Variants in UNC5D observed in about 807,000 individuals in gnomAD.
UNC5D encodes the protein unc-5 netrin receptor D.
Under a neutral mutation model 105.4 loss-of-function variants are expected in UNC5D, and 39 were observed. The ratio of observed to expected loss-of-function variants is 0.37; its 90% CI spans 0.29 to 0.48. The LOEUF is 0.48. Ranked by LOEUF, UNC5D falls within the 20% of genes least tolerant of loss-of-function variation. The pLI is 0.98. For missense variants in UNC5D, 991 were observed against 1,202.4 expected (o/e 0.82, Z 2.60); for synonymous variants, 452 against 450.4 (o/e 1.00, Z -0.04).
chr8:35,387,537 C>T (rs147142669), intron 1 of UNC5D, among the ~76,000 whole-genome samples: 116 of 152,170 alleles, frequency 7.6e-4, no homozygotes, highest in Non-Finnish European at 1.6e-3. Context: ...CTGGAACCTT[C>T]TTTAATATTT....
intron 1 of UNC5D, among the ~76,000 whole-genome samples, chr8:35,260,502 G>A (rs1011604904): frequency 5.3e-5 from 8 of 152,084 alleles, no homozygotes; most frequent in South Asian, 2.1e-4. Context: ...ATGGAGTCTC[G>A]CTCTATCACC....
chr8:35,450,286 G>A (rs889141678), intron 1 of UNC5D, among the ~76,000 whole-genome samples: 2 of 152,100 alleles, frequency 1.3e-5, no homozygotes, highest in Middle Eastern at 3.2e-3. Context: ...CATGGCTCAC[G>A]TGTCCTGTCC....
intron 11 of UNC5D, among the ~76,000 whole-genome samples, chr8:35,737,252 CTGTGTGTGTGTGTGTGTGTG>C (rs369792188): frequency 3.3e-4 from 39 of 119,882 alleles, no homozygotes; most frequent in East Asian, 3.0e-3. Context: ...AAGATCTGCT[CTGTGTGTGTGTGTGTGTGTG>C]TGTGTGTGTG....
At chr8:35,567,108 C>G (rs1339778509) in intron 2 of UNC5D, among the ~76,000 whole-genome samples, 1 of 151,806 alleles carries the variant, frequency 6.6e-6, no homozygotes, top group East Asian at 1.9e-4. Flanking sequence ...AGGTTGTGGT[C>G]TTAATAGCTG....
At chr8:35,779,009 C>T (rs1457668425) in intron 16 of UNC5D, among the ~76,000 whole-genome samples, 1 of 152,236 alleles carries the variant, frequency 6.6e-6, no homozygotes, top group Non-Finnish European at 1.5e-5. Context: ...ATAAGCTACA[C>T]AGCCTAGCAA....
intron 1 of UNC5D, among the ~76,000 whole-genome samples, chr8:35,538,594 T>C (rs1180902611): frequency 2.0e-5 from 3 of 151,304 alleles, no homozygotes; most frequent in Non-Finnish European, 4.4e-5. Context: ...AAAGGATCCA[T>C]TGTAGTCATG....
chr8:35,742,277 C>G (rs996324529), intron 11 of UNC5D, among the ~76,000 whole-genome samples: 15 of 151,128 alleles, frequency 9.9e-5, no homozygotes, highest in African/African-American at 3.4e-4. Context: ...GAGAGAGAGA[C>G]AAATAATAAA....
At chr8:35,728,095 A>AAT (rs1554596595) in intron 10 of UNC5D, among the ~76,000 whole-genome samples, 3,542 of 109,342 alleles carry the variant, frequency 0.032, 285 homozygotes, top group African/African-American at 0.1. Flanking sequence ...AAAAAAAAAA[A>AAT]ATATATATAT....
At chr8:35,599,958 C>G (rs563164626) in intron 4 of UNC5D, among the ~76,000 whole-genome samples, 2 of 152,146 alleles carry the variant, frequency 1.3e-5, no homozygotes, top group Non-Finnish European at 2.9e-5. Flanking sequence ...CCTCCTCCCC[C>G]AACCCCACAA....
chr8:35,461,594 T>C (rs1808900132), intron 1 of UNC5D, among the ~76,000 whole-genome samples: 1 of 152,192 alleles, frequency 6.6e-6, no homozygotes, highest in Non-Finnish European at 1.5e-5. Flanking sequence ...ATATTGTTCA[T>C]ACATACCTTT....
chr8:35,775,549 T>C (rs926589614), intron 16 of UNC5D, among the ~76,000 whole-genome samples: 1 of 152,094 alleles, frequency 6.6e-6, no homozygotes, highest in Non-Finnish European at 1.5e-5. Context: ...CCAGAATGAA[T>C]AGAAAAGAGA....
At chr8:35,394,138 G>A (rs1032982360) in intron 1 of UNC5D, among the ~76,000 whole-genome samples, 1 of 151,958 alleles carries the variant, frequency 6.6e-6, no homozygotes, top group African/African-American at 2.4e-5. Context: ...TGTGTCTTAG[G>A]GGTAGTTCTT....
chr8:35,639,034 GTA>G (rs1265136185), intron 4 of UNC5D, among the ~76,000 whole-genome samples: 1 of 152,150 alleles, frequency 6.6e-6, no homozygotes, highest in East Asian at 1.9e-4. Flanking sequence ...CCATAGTTAA[GTA>G]TATCTTTCCC....
Position 35,756,280 on chromosome 8 carries a change from A to C in UNC5D, c.2164-3040A>C, listed in dbSNP as rs1830514662. ...GCAGATTTAAGGAGTAAGCGAAAAG[A>C]GCAAAAAATAAATCATGTTGTATTT... On this transcript the variant is annotated intron_variant, in intron 13 of 16. Coordinates refer to ENST00000404895, the MANE Select transcript of UNC5D (RefSeq NM_080872.4). Among the ~76,000 whole-genome samples the C allele has an allele frequency of 2.0e-5, 3 of 152,340 alleles. No individual in the cohort carries two copies. In the South Asian group the frequency reaches 6.2e-4, roughly 32 times the overall value.
chr8:35,253,473 C>CTTTTTTTTTTT (rs58063448), intron 1 of UNC5D, among the ~76,000 whole-genome samples: 16 of 99,848 alleles, frequency 1.6e-4, no homozygotes, highest in East Asian at 6.4e-4. Context: ...ATTTTATTTC[C>CTTTTTTTTTTT]TTTTTTTTTT....
At chr8:35,446,855 T>A (rs769935490) in intron 1 of UNC5D, among the ~76,000 whole-genome samples, 5 of 152,148 alleles carry the variant, frequency 3.3e-5, no homozygotes, top group Non-Finnish European at 7.4e-5. Flanking sequence ...CTCAGTTGCA[T>A]GTGAGCTTCA....
intron 1 of UNC5D, among the ~76,000 whole-genome samples, chr8:35,374,714 G>C (rs1802599922): frequency 6.6e-6 from 1 of 152,206 alleles, no homozygotes; most frequent in African/African-American, 2.4e-5. Flanking sequence ...TGTATAGCCA[G>C]GATCTTCATT....
intron 4 of UNC5D, among the ~76,000 whole-genome samples, chr8:35,677,813 TATGTAA>T (rs1203879670): frequency 6.6e-6 from 1 of 151,976 alleles, no homozygotes; most frequent in Non-Finnish European, 1.5e-5. Context: ...GGTCTGTATA[TATGTAA>T]AAAGTTATTT....
intron 1 of UNC5D, among the ~76,000 whole-genome samples, chr8:35,453,797 C>A (rs1267422624): frequency 1.3e-5 from 2 of 152,058 alleles, no homozygotes; most frequent in Admixed American, 1.3e-4. Context: ...CATCTGCCAC[C>A]CACCCACTCT....
Sources: allele counts gnomAD v4.1 joint callset (sites outside exome capture counted in the v4.1 genomes callset), GRCh38; gene constraint gnomAD v4.1.1; transcripts MANE v1.5; gene names NCBI Gene and HGNC (gene_info 2026-07-23, HGNC 2026-07-21).